FBXL13: variants seen among roughly 807,000 people sequenced by gnomAD.
The protein encoded by FBXL13 is F-box and leucine-rich repeat protein 13.
Under a neutral mutation model 83.6 loss-of-function variants are expected in FBXL13, and 67 were observed. The observed-to-expected ratio is 0.80, with a 90% CI of 0.66 to 0.98. The LOEUF is 0.98. Among genes scored for constraint, FBXL13 ranks in the 50% least tolerant of loss-of-function variants. The probability of loss-of-function intolerance (pLI) is 0.00; values close to 1 mark genes in which losing one functional copy is unlikely to be tolerated. For missense variants in FBXL13, 822 were observed against 866.5 expected (o/e 0.95, Z 0.64); for synonymous variants, 272 against 299.5 (o/e 0.91, Z 0.95).
chr7:102,912,455 A>G (rs562706572), intron 11 of FBXL13, among the ~76,000 whole-genome samples: 22 of 152,306 alleles, frequency 1.4e-4, no homozygotes, highest in South Asian at 2.1e-4. Context: ...GAAACTATCA[A>G]TGAGGCAGTA....
At chr7:103,047,155 C>T (rs1250209541) in intron 2 of FBXL13, 1 of 152,162 alleles carries the variant, frequency 6.6e-6, no homozygotes, top group Non-Finnish European at 1.5e-5. Context: ...GCCAAGCGTA[C>T]ATGAAGGTTT....
chr7:102,841,721 G>A lies in FBXL13; in HGVS notation c.1720-8747C>T, dbSNP rs1202351852. 6.6e-5 allele frequency among the ~76,000 whole-genome samples: 10 copies of A among 152,300 alleles called. No individual in the cohort carries two copies. The East Asian group carries it at 1.9e-3, about 29-fold the overall frequency. On this transcript the variant is annotated intron_variant, in intron 17 of 19. Transcript: ENST00000313221. ...ATACTGTTTATTTCTTTTGCTCACA[G>A]GCTTTGAAGAAAGAATAATGCCTGG...
At chr7:103,047,904 C>T (rs1002785010) in intron 2 of FBXL13, among the ~76,000 whole-genome samples, 3 of 152,134 alleles carry the variant, frequency 2.0e-5, no homozygotes, top group Non-Finnish European at 4.4e-5. Flanking sequence ...CCATGTTAGC[C>T]GGGCTGGTCT....
intron 6 of FBXL13, among the ~76,000 whole-genome samples, chr7:103,019,403 A>G (rs1047639408): frequency 5.3e-5 from 8 of 152,236 alleles, no homozygotes; most frequent in African/African-American, 1.9e-4. Context: ...CTAACATCAC[A>G]ATTAAAAGAA....
rs79326952 is a variant in FBXL13 at position 102,980,439 on chromosome 7, C to A, written c.496-12322G>T. Reference sequence around the variant, plus strand: ...TGAGTTTGGACCCTCTACCTTACACCATATAGCAAAATGAAGTCAAAATGA... The same window carrying A: ...TGAGTTTGGACCCTCTACCTTACACAATATAGCAAAATGAAGTCAAAATGA... On this transcript the variant is annotated intron_variant, in intron 6 of 19. Coordinates refer to ENST00000313221, the Ensembl canonical transcript of FBXL13. Among the ~76,000 whole-genome samples, 1,959 of 152,288 alleles carry A rather than the reference C, an allele frequency of 0.013. 92 individuals are homozygous for A. The East Asian group carries it at 0.16, about 12-fold the overall frequency.
intron 6 of FBXL13, among the ~76,000 whole-genome samples, chr7:103,003,661 A>T (rs906461149): frequency 1.3e-5 from 2 of 152,012 alleles, no homozygotes; most frequent in Non-Finnish European, 2.9e-5. Flanking sequence ...GGCTCACTGC[A>T]ACCTCTGCCT....
In FBXL13 at chr7:103,055,793, G is replaced by A. The variant is rs140331736; in HGVS notation, c.-104-46C>T. 3.0e-4 allele frequency: 260 copies of A among 863,260 alleles called. 5 individuals carry two copies. The East Asian group carries it at 7.4e-3, about 25-fold the overall frequency. The allele number at this position is 863,260 out of a possible 1,614,324, so 53.5% of individuals were successfully genotyped here. A position where few individuals can be genotyped will look rare whatever the true frequency, so the allele number is the denominator to read the frequency against. On this transcript the variant is annotated intron_variant, in intron 1 of 19. Coordinates refer to ENST00000313221, the Ensembl canonical transcript of FBXL13. ...GGCATCAATGTTTCTGAATTTTCAC[G>A]TTTTTACTAAGCAGCACGTAACTTT... is the stretch of plus-strand genomic sequence containing the variant.
rs561931539 is a variant in FBXL13 at position 102,918,548 on chromosome 7, G to C, written c.879-5333C>G. 1.2e-3 allele frequency among the ~76,000 whole-genome samples: 183 copies of C among 152,318 alleles called. 1 individual carries two copies. Among genetic ancestry groups the C allele is most frequent in the African/African-American group, 4.2e-3 (176 of 41,574 alleles). ...ACTACACCCTGGGTCACACAGAGTG[G>C]ATCATGCCTATAACCCCAGCACTTT... On this transcript the variant is annotated intron_variant, in intron 10 of 19. Coordinates refer to ENST00000313221, the Ensembl canonical transcript of FBXL13.
At chr7:103,018,351 T>TGCACTGCAAA (rs1792646926) in intron 6 of FBXL13, among the ~76,000 whole-genome samples, 1 of 152,126 alleles carries the variant, frequency 6.6e-6, no homozygotes. Context: ...GAACAACCGG[T>TGCACTGCAAA]ACCAGCCACT....
At chr7:102,987,144 G>A (rs980061139) in intron 6 of FBXL13, among the ~76,000 whole-genome samples, 23 of 152,054 alleles carry the variant, frequency 1.5e-4, no homozygotes, top group African/African-American at 4.8e-4. Context: ...AGACACTGGA[G>A]ACTCTGAAAG....
At position 102,963,689 on chromosome 7, in the gene FBXL13, T is replaced by C. The variant is rs1233066921; in HGVS notation, c.592-24A>G. The stretch of plus-strand genomic sequence containing the variant: ...ATCTAAAAAGAATAAACAAAATGCA[T>C]TAAGAAATGAGAAAGTCCCCAAAAA... On this transcript the variant is annotated intron_variant, in intron 7 of 19. Coordinates refer to ENST00000313221, the Ensembl canonical transcript of FBXL13. 9 of 1,575,442 alleles carry C rather than the reference T, an allele frequency of 5.7e-6. No homozygotes were observed. In the African/African-American group the frequency reaches 6.9e-5, roughly 12 times the overall value.
At chr7:102,858,137 C>T (rs1047374248) in intron 16 of FBXL13, among the ~76,000 whole-genome samples, 3 of 152,100 alleles carry the variant, frequency 2.0e-5, no homozygotes, top group African/African-American at 7.2e-5. Flanking sequence ...GAATGAAATC[C>T]TGTCATTTGC....
chr7:102,819,351 G>A (rs1167055535), intron 19 of FBXL13, among the ~76,000 whole-genome samples: 2 of 152,014 alleles, frequency 1.3e-5, no homozygotes, highest in East Asian at 3.9e-4. Context: ...GTCACTTCCT[G>A]GAAACCCTTC....
At chr7:102,849,969 C>T (rs1804905341) in intron 17 of FBXL13, among the ~76,000 whole-genome samples, 1 of 151,524 alleles carries the variant, frequency 6.6e-6, no homozygotes, top group Admixed American at 6.6e-5. Context: ...TGAAACAAAC[C>T]TGCATGTTCT....
intron 9 of FBXL13, among the ~76,000 whole-genome samples, chr7:102,927,459 A>T (rs1478064145): frequency 6.6e-6 from 1 of 152,234 alleles, no homozygotes; most frequent in Non-Finnish European, 1.5e-5. Flanking sequence ...TATTTTCAAC[A>T]GGATCATTGA....
intron 6 of FBXL13, among the ~76,000 whole-genome samples, chr7:102,999,029 C>T (rs1006020082): frequency 2.7e-5 from 4 of 148,806 alleles, no homozygotes; most frequent in African/African-American, 1.0e-4. Flanking sequence ...AATTTTTCTT[C>T]ATTCAGTACG....
At chr7:102,933,101 G>C (rs2129473442) in intron 8 of FBXL13, 1 of 152,270 alleles carries the variant, frequency 6.6e-6, no homozygotes, top group Non-Finnish European at 1.5e-5. Flanking sequence ...AAAGGGATTG[G>C]GAGCACCCAA....
At chr7:103,024,172 A>AGAGAGAGAGAGG in intron 6 of FBXL13, among the ~76,000 whole-genome samples, 1 of 146,326 alleles carries the variant, frequency 6.8e-6, no homozygotes, top group Non-Finnish European at 1.5e-5. Flanking sequence ...AGAGAGAGAG[A>AGAGAGAGAGAGG]GAGAGAGAGA....
intron 6 of FBXL13, among the ~76,000 whole-genome samples, chr7:103,009,135 G>T (rs1318545482): frequency 6.6e-6 from 1 of 152,126 alleles, no homozygotes; most frequent in East Asian, 1.9e-4. Context: ...CTGCATGAGT[G>T]TAGGAAGGAG....
Sources: gnomAD v4.1 joint callset for allele counts (sites outside exome capture counted in the v4.1 genomes callset) on GRCh38, gnomAD v4.1.1 for gene constraint, MANE v1.5 for transcripts, NCBI Gene and HGNC (gene_info 2026-07-23, HGNC 2026-07-21) for gene names.